Variants in KIF13B observed in about 807,000 individuals in gnomAD.
KIF13B encodes kinesin family member 13B.
KIF13B carries 127 observed loss-of-function variants against 222.0 expected under a neutral mutation model. The ratio of observed to expected loss-of-function variants is 0.57; its 90% CI spans 0.50 to 0.66. The LOEUF (loss-of-function observed/expected upper bound fraction) is 0.66, where lower values mean the gene tolerates loss of function less well. Among genes scored for constraint, KIF13B ranks in the 30% least tolerant of loss-of-function variants. The probability of loss-of-function intolerance (pLI) is 0.00; values close to 1 mark genes in which losing one functional copy is unlikely to be tolerated. For missense variants in KIF13B, 2,173 were observed against 2,379.0 expected (o/e 0.91, Z 1.80); for synonymous variants, 976 against 919.0 (o/e 1.06, Z -1.12).
In KIF13B at chr8:29,123,433, T is replaced by C. The variant is rs1191142704; in HGVS notation, c.3412A>G (p.Thr1138Ala). 3 of 1,614,086 alleles carry C rather than the reference T, an allele frequency of 1.9e-6. No homozygotes were observed. Among genetic ancestry groups the C allele is most frequent in the South Asian group, 1.1e-5 (1 of 91,090 alleles). Reference sequence around the variant, plus strand: ...ACCATCACCGCGTTCCTCTCCTCAGTTAGGGTCAACCGCATCTCCAGAAGC... The same window carrying C: ...ACCATCACCGCGTTCCTCTCCTCAGCTAGGGTCAACCGCATCTCCAGAAGC... ...AQLLEMRLTL[T>A]EERNAVMVPS... Residue 1138 changes from threonine (T) to alanine (A), a missense_variant, in exon 28 of 40, where the codon ACT becomes GCT. Thr to Ala is a moderately conservative substitution (Grantham distance 58). This residue lies in a region of KIF13B where 1,480 missense variants were observed against 1,722.8 expected (regional missense o/e 0.86). Transcript: ENST00000524189.
At chr8:29,218,373 T>C (rs1016028239) in intron 2 of KIF13B, among the ~76,000 whole-genome samples, 2 of 152,232 alleles carry the variant, frequency 1.3e-5, no homozygotes, top group Admixed American at 1.3e-4. Context: ...AGACGCCACT[T>C]TTCCTACGTC....
chr8:29,106,810 A>C (rs1809093226), intron 35 of KIF13B, among the ~76,000 whole-genome samples: 1 of 152,106 alleles, frequency 6.6e-6, no homozygotes, highest in African/African-American at 2.4e-5. Flanking sequence ...GAAGCAGCCA[A>C]TCTTCTGTCT....
chr8:29,110,259 G>C (rs960645397), intron 32 of KIF13B, among the ~76,000 whole-genome samples, 189 bp from the exon 33 acceptor site: 3 of 152,166 alleles, frequency 2.0e-5, no homozygotes, highest in Non-Finnish European at 4.4e-5. Context: ...TGAAAGGCTG[G>C]TTAATTTAAA....
chr8:29,150,282 T>G lies in KIF13B; in HGVS notation c.1622+15A>C, dbSNP rs368209330. On this transcript the variant is annotated intron_variant, in intron 15 of 39. Transcript: ENST00000524189. ...TCTTCAACAATCTCTTTAAGGGACA[T>G]GAACAACATCATACCTGAAGAAATG... 1,490 of 1,437,838 alleles carry G rather than the reference T, an allele frequency of 1.0e-3. 2 individuals are homozygous for G. Among genetic ancestry groups the G allele is most frequent in the Non-Finnish European group, 1.4e-3 (1,422 of 1,028,802 alleles). 89.1% of individuals were successfully genotyped at this position (1,437,838 alleles called of 1,614,324 possible). A position where few individuals can be genotyped will look rare whatever the true frequency, so the allele number is the denominator to read the frequency against.
At chr8:29,093,968 C>T (rs1808410548) in intron 36 of KIF13B, among the ~76,000 whole-genome samples, 1 of 152,054 alleles carries the variant, frequency 6.6e-6, no homozygotes, top group South Asian at 2.1e-4. Flanking sequence ...CAAAAATATA[C>T]AATTATTTCA....
At chr8:29,162,114 T>C (rs548729591) in intron 12 of KIF13B, among the ~76,000 whole-genome samples, 11 of 152,278 alleles carry the variant, frequency 7.2e-5, no homozygotes, top group African/African-American at 2.6e-4. Context: ...GCTCTGTAGT[T>C]AGGGTACAGT....
chr8:29,076,924 A>ATG (rs1807588863), intron 37 of KIF13B, among the ~76,000 whole-genome samples: 1 of 152,186 alleles, frequency 6.6e-6, no homozygotes, highest in Admixed American at 6.5e-5. Flanking sequence ...GCAGTGAGCT[A>ATG]TGATCACACC....
intron 5 of KIF13B, among the ~76,000 whole-genome samples, 189 bp from the exon 6 acceptor site, chr8:29,186,661 T>C (rs1444083185): frequency 1.3e-5 from 2 of 152,030 alleles, no homozygotes; most frequent in African/African-American, 4.8e-5. Context: ...CAAATGTCCT[T>C]TAGAAAGAAA....
rs139300396 is a variant in KIF13B at position 29,132,618 on chromosome 8, G to C, written c.2785-153C>G. Among the ~76,000 whole-genome samples, 120 of 152,246 alleles carry C rather than the reference G, an allele frequency of 7.9e-4. 2 individuals carry two copies. Among genetic ancestry groups the C allele is most frequent in the Admixed American group, 1.6e-3 (25 of 15,288 alleles). On this transcript the variant is annotated intron_variant, in intron 22 of 39. Transcript: ENST00000524189. ...AGAACTATCATCTAAAACCCATAATGAATGCTCAGATGGCAAAAGGTTCTT... is the reference window on the plus strand; with the variant it reads ...AGAACTATCATCTAAAACCCATAATCAATGCTCAGATGGCAAAAGGTTCTT...
rs139774552 is a variant in KIF13B, at chr8:29,261,752, T to C, written c.55+1228A>G. Among the ~76,000 whole-genome samples the C allele has an allele frequency of 5.3e-5, 8 of 152,296 alleles. No homozygotes were observed. The East Asian group carries it at 1.5e-3, about 29-fold the overall frequency. ...AAGTTCTTAGGGAAAAAAACTCACC[T>C]GACAGCTTTAATCGGACCTAGCAGG... On this transcript the variant is annotated intron_variant, in intron 1 of 39. Transcript: ENST00000524189.
At position 29,146,504 on chromosome 8, in the gene KIF13B, C is replaced by T; in HGVS notation, c.2061G>A (p.Arg687=). The part of the protein sequence containing the change: ...ATLNNSLMRL[R]EQIVKANLLV... ...ATAGATTGGCCTTAACAATTTGTTC[C>T]CTCAGCCTCATCAGGCTGTTATTCA... Residue 687 remains arginine (R), a synonymous_variant, in exon 18 of 40, where the codon AGG becomes AGA. Coordinates refer to ENST00000524189, the MANE Select transcript of KIF13B (RefSeq NM_015254.4). 6.2e-7 allele frequency: 1 copy of T among 1,613,818 alleles called. No individual in the cohort carries two copies. The highest frequency in any genetic ancestry group is 8.5e-7 in the Non-Finnish European group (1 of 1,179,814).
chr8:29,113,104 A>G (rs772404682), intron 32 of KIF13B, among the ~76,000 whole-genome samples: 2 of 152,148 alleles, frequency 1.3e-5, no homozygotes, highest in Non-Finnish European at 2.9e-5. Context: ...ACGCAAGTTC[A>G]CTCTGCTAAT....
chr8:29,225,741 T>C (rs971236618), intron 2 of KIF13B, among the ~76,000 whole-genome samples: 4 of 152,192 alleles, frequency 2.6e-5, no homozygotes, highest in Non-Finnish European at 5.9e-5. Context: ...GGGCAGGATT[T>C]TATTGTAATC....
At chr8:29,159,702 C>T (rs1811689522) in intron 13 of KIF13B, among the ~76,000 whole-genome samples, 1 of 152,158 alleles carries the variant, frequency 6.6e-6, no homozygotes, top group Admixed American at 6.6e-5. Context: ...TCCCTCCTAC[C>T]CCAGCTTTGC....
chr8:29,071,645 G>A lies in KIF13B; in HGVS notation c.5193C>T (p.Val1731=), dbSNP rs368165412. The change falls in exon 39 of 40, where the codon GTC becomes GTT. Residue 1731 remains valine (V), a synonymous_variant. Coordinates refer to ENST00000524189, the MANE Select transcript of KIF13B (RefSeq NM_015254.4). This position sits in a 1 kb window ranked among gnomAD's most constrained non-coding sequence, Gnocchi z 4.9. ...CTGAGGGCAGGTCGAGCTCCACGCC[G>A]ACCCACGTGCCCTCTTGGAAGTCGG... ...GPADFQEGTW[V]GVELDLPSGK... is the part of the protein sequence containing the mutation. 3.9e-6 allele frequency: 6 copies of A among 1,554,592 alleles called. No individual in the cohort carries two copies. The Admixed American group carries it at 9.7e-5, about 25-fold the overall frequency.
At position 29,148,594 on chromosome 8, in the gene KIF13B, T is replaced by C; in HGVS notation, c.1796A>G (p.Lys599Arg). Reference sequence around the variant, plus strand: ...TTGCTCACCATTGCTGCCCAGGGCCTTCATGGTGACCTCCATCTGTGCGTA... The same window carrying C: ...TTGCTCACCATTGCTGCCCAGGGCCCTCATGGTGACCTCCATCTGTGCGTA... ...YEYAQMEVTM[K>R]ALGSNDPMQS... Residue 599 changes from lysine (K) to arginine (R), a missense_variant, in exon 16 of 40, where the codon AAG becomes AGG. By Grantham distance (26) the Lys-to-Arg change is conservative. Coordinates refer to ENST00000524189, the MANE Select transcript of KIF13B (RefSeq NM_015254.4). 1 of 1,607,812 alleles carries C rather than the reference T, an allele frequency of 6.2e-7. No homozygotes were observed. Among genetic ancestry groups the C allele is most frequent in the Non-Finnish European group, 8.5e-7 (1 of 1,176,882 alleles).
chr8:29,076,237 C>G (rs373024670), intron 37 of KIF13B, among the ~76,000 whole-genome samples: 3 of 152,226 alleles, frequency 2.0e-5, no homozygotes, highest in Admixed American at 6.5e-5. Context: ...GCCCCTCCCC[C>G]TCCCCCTACC....
At chr8:29,079,204 C>T (rs970183682) in intron 37 of KIF13B, among the ~76,000 whole-genome samples, 1 of 152,176 alleles carries the variant, frequency 6.6e-6, no homozygotes, top group Non-Finnish European at 1.5e-5. Context: ...TTTTCCAGAA[C>T]CTTCCTCACG....
chr8:29,082,309 T>C (rs1247991136), intron 37 of KIF13B, among the ~76,000 whole-genome samples: 1 of 152,246 alleles, frequency 6.6e-6, no homozygotes, highest in Non-Finnish European at 1.5e-5. Context: ...ACATTAGATA[T>C]GTATTATAGT....
Sources: allele counts gnomAD v4.1 joint callset (sites outside exome capture counted in the v4.1 genomes callset), GRCh38; gene constraint gnomAD v4.1.1; regional missense constraint gnomAD v4.1.1; non-coding constraint Gnocchi (gnomAD v3.1); transcripts MANE v1.5; gene names NCBI Gene and HGNC (gene_info 2026-07-23, HGNC 2026-07-21).